MMP16: variants seen among roughly 807,000 people sequenced by gnomAD.
The protein encoded by MMP16 is matrix metallopeptidase 16.
A neutral mutation model predicts 67.8 loss-of-function variants in MMP16; 12 were observed. The ratio of observed to expected loss-of-function variants is 0.18; its 90% confidence interval spans 0.11 to 0.29. The LOEUF is 0.29. MMP16 is among the 10% of genes least tolerant of loss of function. The pLI, the probability that MMP16 is intolerant of heterozygous loss-of-function variation, is 1.00. For synonymous variants in MMP16, 249 were observed against 255.9 expected (o/e 0.97, Z 0.26); for missense variants, 475 against 765.7 (o/e 0.62, Z 4.48).
At position 88,197,148 on chromosome 8, in the gene MMP16, C is replaced by T. The variant is rs1041245635; in HGVS notation, c.281+10G>A. On this transcript the variant is annotated intron_variant, in intron 2 of 9. Transcript: ENST00000286614. ...ACCAAAAAGAAAGGAGGATGGGAGC[C>T]ATTACTTACTCAATTGTGTTTCTGT... The T allele has an allele frequency of 1.2e-6, 2 of 1,606,670 alleles. No individual in the cohort carries two copies. Among genetic ancestry groups the T allele is most frequent in the African/African-American group, 2.7e-5 (2 of 74,420 alleles).
In MMP16 at chr8:88,037,623, T is replaced by C. The variant is rs972116579; in HGVS notation, c.*3838A>G. ...GTATTCACCTGCTCTGACTGCCATG[T>C]CAACAGACACTGTTCTGAAATGAGT... is the stretch of plus-strand genomic sequence containing the variant. On this transcript the variant is annotated 3_prime_UTR_variant, in exon 10 of 10. Transcript: ENST00000286614. The C allele has an allele frequency of 5.3e-5, 8 of 152,002 alleles. No individual in the cohort carries two copies. Among genetic ancestry groups the C allele is most frequent in the African/African-American group, 1.9e-4 (8 of 41,442 alleles). The allele number at this position is 152,002 out of a possible 1,614,324, so 9.4% of individuals were successfully genotyped here. A position where few individuals can be genotyped will look rare whatever the true frequency, so the allele number is the denominator to read the frequency against.
At chr8:88,202,062 C>T (rs1026537387) in intron 1 of MMP16, among the ~76,000 whole-genome samples, 2 of 152,096 alleles carry the variant, frequency 1.3e-5, no homozygotes, top group Non-Finnish European at 1.5e-5. Flanking sequence ...TTTCTTCATT[C>T]AAAAACCTAA....
Position 88,046,760 on chromosome 8 carries a change from C to A in MMP16, c.1398G>T (p.Met466Ile), listed in dbSNP as rs1323199288. ...GDRYWRYSEE[M>I]KTMDPGYPKP... is the part of the protein sequence containing the mutation. Reference sequence around the variant, plus strand: ...TGGGATAGCCAGGGTCCATTGTTTTCATTTCTTCACTATATCTCCAATATC... The same window carrying A: ...TGGGATAGCCAGGGTCCATTGTTTTAATTTCTTCACTATATCTCCAATATC... The change falls in exon 9 of 10, where the codon ATG becomes ATT. Residue 466 changes from methionine (M) to isoleucine (I), a missense_variant. Around this residue, in one of 5 missense-constraint regions of MMP16, gnomAD observed 195 missense variants for 300.9 expected, o/e 0.65. Transcript: ENST00000286614. 2.5e-6 allele frequency: 4 copies of A among 1,607,662 alleles called. No individual in the cohort carries two copies. The highest frequency in any genetic ancestry group is 2.2e-5 in the South Asian group (2 of 90,146).
intron 1 of MMP16, among the ~76,000 whole-genome samples, chr8:88,210,874 TA>T (rs1809502386): frequency 1.3e-5 from 2 of 152,120 alleles, no homozygotes; most frequent in Admixed American, 6.6e-5. Context: ...ACCAAGAGCT[TA>T]ACATTTATTA....
intron 6 of MMP16, among the ~76,000 whole-genome samples, chr8:88,089,077 T>A (rs183065202): frequency 6.6e-6 from 1 of 152,028 alleles, no homozygotes; most frequent in Non-Finnish European, 1.5e-5. Context: ...AATTGGTGTA[T>A]AAAATTTGAA....
rs1811555722 is a variant in MMP16 at position 88,327,260 on chromosome 8, C to A, written c.-54G>T. The stretch of plus-strand genomic sequence containing the variant: ...GCTCCCCTTCGTTTTCTCCCTCTCT[C>A]CCTCTCCCTCCCTCCCTCGTTTCCT... On this transcript the variant is annotated 5_prime_UTR_variant, in exon 1 of 10. Coordinates refer to ENST00000286614, the MANE Select transcript of MMP16 (RefSeq NM_005941.5). The A allele has an allele frequency of 6.2e-7, 1 of 1,608,020 alleles. No homozygotes were observed. The highest frequency in any genetic ancestry group is 1.1e-5 in the South Asian group (1 of 90,868).
In MMP16 at chr8:88,133,956, A is replaced by C. The variant is rs144192698; in HGVS notation, c.710-15095T>G. ...AGATTGCAATTCAGTATCAGTATAC[A>C]CAGCATTAAGCACAGTTTTCTGTTG... On this transcript the variant is annotated intron_variant, in intron 4 of 9. Coordinates refer to ENST00000286614, the MANE Select transcript of MMP16 (RefSeq NM_005941.5). 1.0e-3 allele frequency among the ~76,000 whole-genome samples: 153 copies of C among 151,926 alleles called. 2 individuals are homozygous for C. The East Asian group carries it at 0.019, about 19-fold the overall frequency.
chr8:88,070,307 A>G (rs1808530458), intron 7 of MMP16, among the ~76,000 whole-genome samples: 1 of 151,996 alleles, frequency 6.6e-6, no homozygotes, highest in Non-Finnish European at 1.5e-5. Context: ...TACTTTGAAG[A>G]TTTGTTAAGT....
At chr8:88,270,703 A>G (rs544482151) in intron 1 of MMP16, among the ~76,000 whole-genome samples, 2 of 152,162 alleles carry the variant, frequency 1.3e-5, no homozygotes, top group East Asian at 1.9e-4. Context: ...TTTTCATTTA[A>G]TTGTCAGGTC....
intron 1 of MMP16, among the ~76,000 whole-genome samples, chr8:88,263,983 A>AGT (rs768350464): frequency 0.012 from 1,225 of 101,216 alleles, 20 homozygotes; most frequent in African/African-American, 0.038. Context: ...AAAGAGAGAG[A>AGT]GAGAGTGTGT....
At chr8:88,242,213 GA>G (rs1469097612) in intron 1 of MMP16, among the ~76,000 whole-genome samples, 1 of 152,144 alleles carries the variant, frequency 6.6e-6, no homozygotes, top group Non-Finnish European at 1.5e-5. Context: ...TCCCTTAATG[GA>G]GACGGGACAA....
intron 4 of MMP16, among the ~76,000 whole-genome samples, chr8:88,156,191 C>T (rs750468497): frequency 6.6e-6 from 1 of 151,792 alleles, no homozygotes; most frequent in Non-Finnish European, 1.5e-5. Context: ...ACTTTCTCTA[C>T]TTTTTTTTAA....
At position 88,116,564 on chromosome 8, in the gene MMP16, G is replaced by A. The variant is rs1460422551; in HGVS notation, c.1026C>T (p.Ile342=). 1.9e-6 allele frequency: 3 copies of A among 1,613,632 alleles called. No individual in the cohort carries two copies. The highest frequency in any genetic ancestry group is 1.7e-5 in the Admixed American group (1 of 59,952). ...CTAGAGTGTTAAAGTTCCCATCACA[G>A]ATGTTGGGTTTGGCTCCGGGATAGG... The part of the protein sequence containing the change: ...RPSYPGAKPN[I]CDGNFNTLAI... Residue 342 remains isoleucine (I), a synonymous_variant, in exon 6 of 10, where the codon ATC becomes ATT. Transcript: ENST00000286614.
intron 6 of MMP16, among the ~76,000 whole-genome samples, chr8:88,108,055 TAAAA>T (rs1210527501): frequency 6.6e-6 from 1 of 151,022 alleles, no homozygotes; most frequent in African/African-American, 2.4e-5. Context: ...TTATCAATAA[TAAAA>T]AATAGGATAA....
At chr8:88,165,792 T>C (rs1342299912) in intron 4 of MMP16, among the ~76,000 whole-genome samples, 3 of 152,060 alleles carry the variant, frequency 2.0e-5, no homozygotes, top group African/African-American at 7.2e-5. Context: ...ATAAACTATA[T>C]GGTAAAAACA....
intron 4 of MMP16, among the ~76,000 whole-genome samples, chr8:88,129,400 T>C (rs1807989686): frequency 6.6e-6 from 1 of 151,656 alleles, no homozygotes; most frequent in African/African-American, 2.4e-5. Flanking sequence ...TATTCAAGTG[T>C]TTGTACAGAG....
At chr8:88,069,485 C>G (rs1808515628) in intron 7 of MMP16, 2 of 527,322 alleles carry the variant, frequency 3.8e-6, no homozygotes. Context: ...ATTTGTAGAG[C>G]CAACCATCTT....
chr8:88,100,806 G>T (rs1408175179), intron 6 of MMP16, among the ~76,000 whole-genome samples: 2 of 151,992 alleles, frequency 1.3e-5, no homozygotes, highest in African/African-American at 2.4e-5. Context: ...CATAAAGAAG[G>T]ATGAGTTCAT....
chr8:88,186,017 T>G (rs1206445524), intron 3 of MMP16, among the ~76,000 whole-genome samples: 1 of 152,190 alleles, frequency 6.6e-6, no homozygotes, highest in Non-Finnish European at 1.5e-5. Flanking sequence ...GGTTGGAAAA[T>G]ACTTTCTGTT....
Sources: allele counts gnomAD v4.1 joint callset (sites outside exome capture counted in the v4.1 genomes callset), GRCh38; gene constraint gnomAD v4.1.1; regional missense constraint gnomAD v4.1.1; transcripts MANE v1.5; gene names NCBI Gene and HGNC (gene_info 2026-07-23, HGNC 2026-07-21).